TRDN: variants seen among roughly 807,000 people sequenced by gnomAD.
The protein encoded by TRDN is triadin, also known as triadin in skeletal muscle.
A neutral mutation model predicts 149.7 loss-of-function variants in TRDN; 161 were observed. The ratio of observed to expected loss-of-function variants is 1.08; its 90% CI spans 0.95 to 1.23. The LOEUF is 1.23. Among genes scored for constraint, TRDN ranks in the 50% most tolerant of loss-of-function variants. TRDN has a pLI of 0.00. For missense variants in TRDN, 896 were observed against 823.5 expected (o/e 1.09, Z -1.08); for synonymous variants, 294 against 250.5 (o/e 1.17, Z -1.64).
chr6:123,588,763 G>A lies in TRDN; in HGVS notation c.23-17631C>T, dbSNP rs183342298. ...AGGATTTCAACATGAAAGTTTTATCGGGCAGGGCTGAATGCAAACCAGTCC... is the reference window on the plus strand; with the variant it reads ...AGGATTTCAACATGAAAGTTTTATCAGGCAGGGCTGAATGCAAACCAGTCC... On this transcript the variant is annotated intron_variant, in intron 1 of 40. Coordinates refer to ENST00000334268, the MANE Select transcript of TRDN (RefSeq NM_006073.4). Among the ~76,000 whole-genome samples the A allele has an allele frequency of 2.9e-3, 438 of 152,182 alleles. 2 individuals are homozygous for A. The highest frequency in any genetic ancestry group is 4.9e-3 in the Non-Finnish European group (330 of 67,984).
chr6:123,359,563 A>T (rs1780817506), intron 20 of TRDN, among the ~76,000 whole-genome samples: 1 of 152,230 alleles, frequency 6.6e-6, no homozygotes, highest in Admixed American at 6.5e-5. Context: ...GAAGACAATG[A>T]AGGCTTGAAT....
At chr6:123,484,302 T>C (rs1777889676) in intron 9 of TRDN, among the ~76,000 whole-genome samples, 1 of 152,148 alleles carries the variant, frequency 6.6e-6, no homozygotes, top group Non-Finnish European at 1.5e-5. Flanking sequence ...TATGCATTTA[T>C]GGAAATGGTT....
chr6:123,328,032 A>G (rs1223035999), intron 23 of TRDN, among the ~76,000 whole-genome samples: 2 of 152,194 alleles, frequency 1.3e-5, no homozygotes, highest in Non-Finnish European at 2.9e-5. Flanking sequence ...CATAAGCCAT[A>G]TTATCAACCT....
chr6:123,269,240 C>T (rs1485017892), intron 31 of TRDN, among the ~76,000 whole-genome samples: 1 of 151,932 alleles, frequency 6.6e-6, no homozygotes, highest in Non-Finnish European at 1.5e-5. Context: ...CTGTGTCACA[C>T]CTGTACAGTG....
chr6:123,271,038 G>GCT, intron 30 of TRDN, 101 bp downstream of exon 30: 1 of 293,600 alleles, frequency 3.4e-6, no homozygotes. Context: ...TCAGTGAAGG[G>GCT]CTGTGTGTGT....
rs992334595 is a variant in TRDN, at chr6:123,306,781, G to C, written c.1510+9676C>G. On this transcript the variant is annotated intron_variant, in intron 24 of 40. Coordinates refer to ENST00000334268, the MANE Select transcript of TRDN (RefSeq NM_006073.4). ...ACCACCCAGTCTGCAGGTATGTCAT[G>C]AATTGCTATTCTTTCTTCCCAAATA... is the stretch of plus-strand genomic sequence containing the variant. Among the ~76,000 whole-genome samples, 3 of 151,938 alleles carry C rather than the reference G, an allele frequency of 2.0e-5. No individual in the cohort carries two copies. The East Asian group carries it at 5.8e-4, about 29-fold the overall frequency.
intron 24 of TRDN, among the ~76,000 whole-genome samples, chr6:123,290,492 T>C (rs1443532658): frequency 6.6e-6 from 1 of 152,232 alleles, no homozygotes; most frequent in Non-Finnish European, 1.5e-5. Context: ...AAATCACTGA[T>C]GTTCATTGGC....
chr6:123,569,895 G>A (rs1782476044), intron 2 of TRDN, among the ~76,000 whole-genome samples: 1 of 152,092 alleles, frequency 6.6e-6, no homozygotes, highest in Non-Finnish European at 1.5e-5. Flanking sequence ...AGATTAGAGG[G>A]AACACATATC....
intron 7 of TRDN, chr6:123,510,180 A>G (rs976163445): frequency 6.6e-6 from 1 of 152,138 alleles, no homozygotes; most frequent in African/African-American, 2.4e-5. Context: ...AATTCATGTT[A>G]TCTTCTAAAA....
intron 1 of TRDN, among the ~76,000 whole-genome samples, chr6:123,583,301 A>G (rs1372503897): frequency 1.3e-5 from 2 of 151,874 alleles, no homozygotes; most frequent in African/African-American, 4.8e-5. Flanking sequence ...AGGGATGACA[A>G]GTTTTTGGGG....
At chr6:123,303,217 A>G (rs369620254) in intron 24 of TRDN, among the ~76,000 whole-genome samples, 2 of 152,098 alleles carry the variant, frequency 1.3e-5, no homozygotes, top group East Asian at 3.9e-4. Flanking sequence ...CCTTTTACAC[A>G]CAGAAAACTG....
chr6:123,384,434 C>A (rs1781832562), intron 14 of TRDN, among the ~76,000 whole-genome samples: 1 of 151,998 alleles, frequency 6.6e-6, no homozygotes. Flanking sequence ...AGAACATGGT[C>A]ATGTAGGAAT....
intron 9 of TRDN, among the ~76,000 whole-genome samples, chr6:123,490,075 G>A (rs1195002357): frequency 2.0e-5 from 3 of 152,126 alleles, no homozygotes; most frequent in Non-Finnish European, 2.9e-5. Context: ...AATGATTAGG[G>A]TAAAATTGAA....
chr6:123,277,554 G>A (rs1283431303), intron 26 of TRDN, among the ~76,000 whole-genome samples: 1 of 152,128 alleles, frequency 6.6e-6, no homozygotes, highest in East Asian at 1.9e-4. Context: ...CTTATTAGAG[G>A]AGAAGGGTTT....
intron 36 of TRDN, among the ~76,000 whole-genome samples, chr6:123,255,355 A>G (rs1408360545): frequency 6.6e-6 from 1 of 152,140 alleles, no homozygotes; most frequent in East Asian, 1.9e-4. Context: ...ATTAACTAGA[A>G]TGTATGAAAA....
intron 38 of TRDN, among the ~76,000 whole-genome samples, chr6:123,225,868 T>C (rs1224835183): frequency 6.6e-6 from 1 of 151,754 alleles, no homozygotes; most frequent in Non-Finnish European, 1.5e-5. Context: ...TAATGCAATA[T>C]AACGGAATGA....
At chr6:123,446,205 G>A (rs1278170379) in intron 10 of TRDN, among the ~76,000 whole-genome samples, 1 of 149,352 alleles carries the variant, frequency 6.7e-6, no homozygotes, top group Admixed American at 6.6e-5. Context: ...ATGGACACAG[G>A]AAGGGGAATA....
chr6:123,614,300 C>CA (rs1199509406), intron 1 of TRDN, among the ~76,000 whole-genome samples: 13,609 of 99,516 alleles, frequency 0.14, 1,223 homozygotes, highest in African/African-American at 0.32. Context: ...AAAAAAAAAA[C>CA]AAAAAAAAAA....
chr6:123,448,025 T>C (rs1775498044), intron 10 of TRDN, among the ~76,000 whole-genome samples: 1 of 152,124 alleles, frequency 6.6e-6, no homozygotes, highest in African/African-American at 2.4e-5. Context: ...TATCAGGAGC[T>C]GAGTCAATTT....
Sources: gnomAD v4.1 joint callset for allele counts (sites outside exome capture counted in the v4.1 genomes callset) on GRCh38, gnomAD v4.1.1 for gene constraint, MANE v1.5 for transcripts, NCBI Gene and HGNC (gene_info 2026-07-23, HGNC 2026-07-21) for gene names.